Variants in ATP2A1 observed in about 807,000 individuals in gnomAD.
ATP2A1 encodes sarcoplasmic/endoplasmic reticulum calcium ATPase 1.
ATP2A1 carries 83 observed loss-of-function variants against 109.5 expected under a neutral mutation model. The ratio of observed to expected loss-of-function variants is 0.76; its 90% CI spans 0.63 to 0.91. The LOEUF (loss-of-function observed/expected upper bound fraction) is 0.91. Among genes scored for constraint, ATP2A1 ranks in the 40% least tolerant of loss-of-function variants. The pLI, the probability that ATP2A1 is intolerant of heterozygous loss-of-function variation, is 0.00. For synonymous variants in ATP2A1, 505 were observed against 537.6 expected (o/e 0.94, Z 0.84); for missense variants, 1,101 against 1,341.0 (o/e 0.82, Z 2.80).
rs923791278 is a variant in ATP2A1 at position 28,902,465 on chromosome 16, G to T, written c.2524+79G>T. 4.4e-6 allele frequency: 7 copies of T among 1,578,022 alleles called. No individual in the cohort carries two copies. Among genetic ancestry groups the T allele is most frequent in the Admixed American group, 1.7e-5 (1 of 58,656 alleles). On this transcript the variant is annotated intron_variant, in intron 17 of 22. Coordinates refer to ENST00000395503, the MANE Select transcript of ATP2A1 (RefSeq NM_004320.6). The surrounding 1 kb of genome is among the most constrained non-coding windows in gnomAD (Gnocchi z 4.8). ...CTGGGACACCAGCTCCCCCATGCAGGTGCTGAGAGGGTCTTCTTCCTTGGC... is the reference window on the plus strand; with the variant it reads ...CTGGGACACCAGCTCCCCCATGCAGTTGCTGAGAGGGTCTTCTTCCTTGGC...
In ATP2A1 at chr16:28,903,062, C is replaced by G. The variant is rs528721981; in HGVS notation, c.2777C>G (p.Pro926Arg). 1.7e-5 allele frequency: 27 copies of G among 1,613,870 alleles called. No individual in the cohort carries two copies. Among genetic ancestry groups the G allele is most frequent in the Admixed American group, 1.7e-4 (10 of 60,022 alleles). Residue 926 changes from proline to arginine, a missense_variant, in exon 20 of 23, where the codon CCA becomes CGA. By Grantham distance (103) the Pro-to-Arg change is moderately radical. Coordinates refer to ENST00000395503, the MANE Select transcript of ATP2A1 (RefSeq NM_004320.6). This position sits in a 1 kb window ranked among gnomAD's most constrained non-coding sequence, Gnocchi z 5.6. ...LSENQSLLRMPPWVNIWLLGS... is the reference protein window; with the variant it reads ...LSENQSLLRMRPWVNIWLLGS... The stretch of plus-strand genomic sequence containing the variant: ...GAGAACCAGTCCCTGCTGCGGATGC[C>G]ACCCTGGGTGAACATCTGGCTGCTG...
At chr16:28,894,033 G>A (rs1963849098) in intron 9 of ATP2A1, 122 bp from the exon 10 acceptor site, 1 of 775,872 alleles carries the variant, frequency 1.3e-6, no homozygotes, top group African/African-American at 1.7e-5. Flanking sequence ...GGATGAGGAG[G>A]GGTGAGTAGG....
In ATP2A1 at chr16:28,900,827, C is replaced by T. The variant is rs1555516994; in HGVS notation, c.2011C>T (p.Arg671Ter). The T allele has an allele frequency of 3.1e-6, 5 of 1,614,180 alleles. No homozygotes were observed. The highest frequency in any genetic ancestry group is 4.2e-6 in the Non-Finnish European group (5 of 1,180,036). Reference sequence around the variant, plus strand: ...CCTGGCTGAACAGCGGGAAGCCTGCCGACGTGCCTGCTGCTTCGCCCGTGT... The same window carrying T: ...CCTGGCTGAACAGCGGGAAGCCTGCTGACGTGCCTGCTGCTTCGCCCGTGT... Reference protein sequence around the residue: ...LPLAEQREACRRACCFARVEP... With the variant: ...LPLAEQREAC Residue 671 changes from arginine (R) to a stop codon, truncating the protein, a stop_gained, in exon 15 of 23, where the codon CGA (arginine) becomes TGA (stop). Coordinates refer to ENST00000395503, the MANE Select transcript of ATP2A1 (RefSeq NM_004320.6). LOFTEE classifies it high-confidence loss of function.
rs567609455 is a variant in ATP2A1 at position 28,884,508 on chromosome 16, G to T, written c.464-67G>T. The T allele has an allele frequency of 2.8e-6, 4 of 1,445,694 alleles. No individual in the cohort carries two copies. The East Asian group carries it at 9.1e-5, about 33-fold the overall frequency. The allele number at this position is 1,445,694 out of a possible 1,614,324, so 89.6% of individuals were successfully genotyped here. A position where few individuals can be genotyped will look rare whatever the true frequency, so the allele number is the denominator to read the frequency against. ...AGGAGAACGAGTCAGACACAGATTG[G>T]GTTTTTCTTTGGAAGGAAGAAAATT... On this transcript the variant is annotated intron_variant, in intron 5 of 22. Coordinates refer to ENST00000395503, the MANE Select transcript of ATP2A1 (RefSeq NM_004320.6).
Position 28,903,591 on chromosome 16 carries a change from G to C in ATP2A1, c.2981-109G>C. 1 of 1,205,612 alleles carries C rather than the reference G, an allele frequency of 8.3e-7. No individual in the cohort carries two copies. Among genetic ancestry groups the C allele is most frequent in the Non-Finnish European group, 1.2e-6 (1 of 807,780 alleles). The allele number at this position is 1,205,612 out of a possible 1,614,324, so 74.7% of individuals were successfully genotyped here. A position where few individuals can be genotyped will look rare whatever the true frequency, so the allele number is the denominator to read the frequency against. On this transcript the variant is annotated intron_variant, in intron 21 of 22. Coordinates refer to ENST00000395503, the MANE Select transcript of ATP2A1 (RefSeq NM_004320.6). This position sits in a 1 kb window ranked among gnomAD's most constrained non-coding sequence, Gnocchi z 5.6. ...CCCCGTTCCCCCTGCGCCTGCAGGG[G>C]CCACATCTCCGGGGCAGCCCCACTG...
At chr16:28,895,246 C>T (rs1963884736) in intron 12 of ATP2A1, among the ~76,000 whole-genome samples, 1 of 152,204 alleles carries the variant, frequency 6.6e-6, no homozygotes, top group Admixed American at 6.5e-5. Context: ...AGGAGCAGCC[C>T]CAACTTCATC....
rs772383454 is a variant in ATP2A1 at position 28,881,011 on chromosome 16, G to A, written c.316G>A (p.Val106Ile). The A allele has an allele frequency of 3.1e-6, 5 of 1,614,026 alleles. No homozygotes were observed. Among genetic ancestry groups the A allele is most frequent in the Non-Finnish European group, 4.2e-6 (5 of 1,179,896 alleles). The stretch of plus-strand genomic sequence containing the variant: ...CCTCATTGCCAATGCCATCGTGGGG[G>A]TTTGGCAGGTTAGCGTTGACCCTTC... The part of the protein sequence containing the change: ...LILIANAIVG[V>I]WQERNAENAI... The change falls in exon 4 of 23, where the codon GTT becomes ATT. Residue 106 changes from valine to isoleucine, a missense_variant. Physicochemically the swap from Val to Ile is conservative, Grantham distance 29 (BLOSUM62 3). Coordinates refer to ENST00000395503, the MANE Select transcript of ATP2A1 (RefSeq NM_004320.6).
At chr16:28,890,002 C>T (rs1875102441) in intron 9 of ATP2A1, among the ~76,000 whole-genome samples, 1 of 152,050 alleles carries the variant, frequency 6.6e-6, no homozygotes, top group South Asian at 2.1e-4. Flanking sequence ...ATTAGCCGGG[C>T]ATGGTGGTGC....
chr16:28,886,125 T>C (rs748387063), intron 6 of ATP2A1, among the ~76,000 whole-genome samples: 9 of 151,792 alleles, frequency 5.9e-5, no homozygotes, highest in Non-Finnish European at 8.8e-5. Flanking sequence ...GAGCTATGAT[T>C]ACCACGGCAG....
intron 5 of ATP2A1, 79 bp downstream of exon 5, chr16:28,882,668 C>G: frequency 6.3e-7 from 1 of 1,577,778 alleles, no homozygotes; most frequent in South Asian, 1.1e-5. Context: ...TGGTCAGGCT[C>G]GGATCCAGGT....
chr16:28,886,503 C>T (rs1963616853), intron 6 of ATP2A1, among the ~76,000 whole-genome samples: 1 of 151,996 alleles, frequency 6.6e-6, no homozygotes, highest in Non-Finnish European at 1.5e-5. Flanking sequence ...TGTAGGTCCC[C>T]CTTCCTCCCA....
chr16:28,891,305 A>T (rs1481479790), intron 9 of ATP2A1, among the ~76,000 whole-genome samples: 1 of 151,310 alleles, frequency 6.6e-6, no homozygotes, highest in Non-Finnish European at 1.5e-5. Flanking sequence ...TCGAAAAAAA[A>T]TATAAAAGAC....
chr16:28,887,380 G>T (rs550422588), intron 7 of ATP2A1, 45 bp from the exon 8 acceptor site: 1 of 1,613,504 alleles, frequency 6.2e-7, no homozygotes, highest in South Asian at 1.1e-5. Context: ...TGCGGCATGA[G>T]GGTCACCTCT....
chr16:28,879,563 C>T lies in ATP2A1; in HGVS notation c.199C>T (p.Leu67=), dbSNP rs993717161. ...FEDLLVRILL[L]AACISFVLAW... ...AGACCTCCTGGTGCGGATTCTCCTC[C>T]TGGCCGCATGCATTTCCTTCGTAAG... Residue 67 remains leucine, a synonymous_variant, in exon 3 of 23, where the codon CTG becomes TTG. Transcript: ENST00000395503. The T allele has an allele frequency of 6.2e-7, 1 of 1,614,172 alleles. No homozygotes were observed. The highest frequency in any genetic ancestry group is 8.5e-7 in the Non-Finnish European group (1 of 1,180,024).
In ATP2A1 at chr16:28,882,472, A is replaced by G. The variant is rs773473287; in HGVS notation, c.346A>G (p.Ile116Val). The change falls in exon 5 of 23, where the codon ATC (isoleucine) becomes GTC (valine). Residue 116 changes from isoleucine (I) to valine (V), a missense_variant. Physicochemically the swap from Ile to Val is conservative, Grantham distance 29. Transcript: ENST00000395503. ...VWQERNAENA[I>V]EALKEYEPEM... is the part of the protein sequence containing the mutation. ...TCAGGAGCGGAACGCAGAGAACGCC[A>G]TCGAGGCCCTGAAGGAGTATGAGCC... is the stretch of plus-strand genomic sequence containing the variant. The G allele has an allele frequency of 1.9e-6, 3 of 1,614,194 alleles. No homozygotes were observed. The highest frequency in any genetic ancestry group is 8.5e-7 in the Non-Finnish European group (1 of 1,180,026).
chr16:28,882,842 C>T (rs1567480170), intron 5 of ATP2A1, among the ~76,000 whole-genome samples: 1 of 152,232 alleles, frequency 6.6e-6, no homozygotes, highest in Non-Finnish European at 1.5e-5. Context: ...TCTCACCCTG[C>T]ACTTGCACTC....
intron 5 of ATP2A1, among the ~76,000 whole-genome samples, chr16:28,884,151 C>G (rs1963558855): frequency 6.6e-6 from 1 of 152,126 alleles, no homozygotes; most frequent in South Asian, 2.1e-4. Flanking sequence ...TCCTCCTTGC[C>G]TTTCTCACTC....
intron 12 of ATP2A1, among the ~76,000 whole-genome samples, chr16:28,896,236 G>A (rs1458054483): frequency 6.6e-6 from 1 of 152,050 alleles, no homozygotes; most frequent in Non-Finnish European, 1.5e-5. Flanking sequence ...TTGTTTGTTT[G>A]TCTGTCTGTT....
intron 9 of ATP2A1, among the ~76,000 whole-genome samples, chr16:28,893,655 G>GTTTTTTTTTTTT (rs11304796): frequency 1.8e-5 from 2 of 111,998 alleles, no homozygotes; most frequent in African/African-American, 3.6e-5. Context: ...GTTTTTTTTT[G>GTTTTTTTTTTTT]TTTTTTTTTT....
Sources: gnomAD v4.1 joint callset for allele counts (sites outside exome capture counted in the v4.1 genomes callset) on GRCh38, gnomAD v4.1.1 for gene constraint, Gnocchi (gnomAD v3.1) non-coding constraint, MANE v1.5 for transcripts, NCBI Gene and HGNC (gene_info 2026-07-23, HGNC 2026-07-21) for gene names.